The following PRKN variants were observed in gnomAD, a reference collection of about 807,000 sequenced individuals.
PRKN encodes parkin RBR E3 ubiquitin protein ligase.
Under a neutral mutation model 59.5 loss-of-function variants are expected in PRKN, and 56 were observed. The ratio of observed to expected loss-of-function variants is 0.94; its 90% CI spans 0.76 to 1.18. PRKN has a LOEUF of 1.18. PRKN is among the 50% of genes most tolerant of loss of function. PRKN has a pLI of 0.00. For synonymous variants in PRKN, 250 were observed against 222.1 expected, an observed-to-expected ratio of 1.13 and a Z score of -1.12; for missense variants, 657 against 596.4, an observed-to-expected ratio of 1.10 and a Z score of -1.06.
In PRKN at chr6:161,379,791, A is replaced by T. The variant is rs62435884; in HGVS notation, c.1167+7003T>A. On this transcript the variant is annotated intron_variant, in intron 10 of 11. Coordinates refer to ENST00000366898, the MANE Select transcript of PRKN (RefSeq NM_004562.3). This position sits in a 1 kb window ranked among gnomAD's most constrained non-coding sequence, Gnocchi z 4.9. ...GCACGGCAGTTCAGCCTTCCTTCAA[A>T]CTGCTTCATGCGATTCCCCACAGCA... Among the ~76,000 whole-genome samples, 37,299 of 151,948 alleles carry T rather than the reference A, an allele frequency of 0.25. 4,709 individuals are homozygous for T. The highest frequency in any genetic ancestry group is 0.31 in the South Asian group (1,480 of 4,812).
rs60391138 is a variant in PRKN at position 162,560,853 on chromosome 6, C to CAAAAAAAAA, written c.8-117389_8-117381dup. On this transcript the variant is annotated intron_variant, in intron 1 of 11. Transcript: ENST00000366898. ...CAATTAAAGCCCAGAGAGAGAGAGG[C>CAAAAAAAAA]AAAAAAAAAAAAAACCCAGGTCATT... Among the ~76,000 whole-genome samples, 35 of 56,510 alleles carry CAAAAAAAAA rather than the reference C, an allele frequency of 6.2e-4. 7 individuals carry two copies. The highest frequency in any genetic ancestry group is 1.8e-3 in the African/African-American group (22 of 12,414). The allele number at this position is 56,510 out of a possible 152,430, so 37.1% of individuals were successfully genotyped here.
chr6:162,142,831 A>C (rs1781846292), intron 4 of PRKN, among the ~76,000 whole-genome samples: 1 of 152,200 alleles, frequency 6.6e-6, no homozygotes, highest in African/African-American at 2.4e-5. Context: ...TCTCTACTAC[A>C]AAGATGGGAA....
chr6:161,689,642 A>C (rs1487634370), intron 7 of PRKN, among the ~76,000 whole-genome samples: 10 of 152,200 alleles, frequency 6.6e-5, no homozygotes, highest in Admixed American at 5.9e-4. Context: ...TTTAGACATA[A>C]ACAGTTTTCA....
intron 7 of PRKN, among the ~76,000 whole-genome samples, chr6:161,744,804 A>G (rs972327474): frequency 1.3e-5 from 2 of 152,218 alleles, no homozygotes; most frequent in African/African-American, 2.4e-5. Flanking sequence ...GCTGGCTCAG[A>G]GATTAACAAA....
chr6:162,592,748 A>T (rs1244145815), intron 1 of PRKN, among the ~76,000 whole-genome samples: 5 of 152,120 alleles, frequency 3.3e-5, no homozygotes, highest in African/African-American at 1.2e-4. Context: ...GATGTCAACA[A>T]AAATTTTAAA....
intron 4 of PRKN, among the ~76,000 whole-genome samples, chr6:162,070,502 G>A (rs1778531153): frequency 6.6e-6 from 1 of 152,126 alleles, no homozygotes; most frequent in Non-Finnish European, 1.5e-5. Context: ...TGGCCGAGTG[G>A]ATGCTGAATA....
chr6:162,625,114 T>C (rs947825421), intron 1 of PRKN, among the ~76,000 whole-genome samples: 1 of 152,212 alleles, frequency 6.6e-6, no homozygotes, highest in Admixed American at 6.5e-5. Context: ...CTCTCTGTCA[T>C]AAGGCTGAAC....
chr6:161,671,174 C>T (rs548830477), intron 7 of PRKN, among the ~76,000 whole-genome samples: 1 of 152,228 alleles, frequency 6.6e-6, no homozygotes, highest in Admixed American at 6.5e-5. Context: ...GGGCTTGTGT[C>T]TTGCTCTCAG....
At chr6:162,297,760 A>T (rs998244485) in intron 2 of PRKN, among the ~76,000 whole-genome samples, 6 of 152,148 alleles carry the variant, frequency 3.9e-5, no homozygotes, top group Non-Finnish European at 5.9e-5. Flanking sequence ...TGAATCATCT[A>T]AAAATAAATG....
At chr6:161,736,740 G>T (rs955170152) in intron 7 of PRKN, among the ~76,000 whole-genome samples, 7 of 152,170 alleles carry the variant, frequency 4.6e-5, no homozygotes, top group African/African-American at 1.7e-4. Context: ...AACTTTCTGG[G>T]GGTACAAATT....
At position 162,100,854 on chromosome 6, in the gene PRKN, T is replaced by C. The variant is rs79678225; in HGVS notation, c.535-46680A>G. Among the ~76,000 whole-genome samples the C allele has an allele frequency of 9.8e-5, 15 of 152,350 alleles. No homozygotes were observed. The South Asian group carries it at 2.5e-3, about 25-fold the overall frequency. On this transcript the variant is annotated intron_variant, in intron 4 of 11. Coordinates refer to ENST00000366898, the MANE Select transcript of PRKN (RefSeq NM_004562.3). ...TTATGATGTGGAGTATTTTTTCATATACCTGTTGGCCATTTGTATGACTTC... is the reference window on the plus strand; with the variant it reads ...TTATGATGTGGAGTATTTTTTCATACACCTGTTGGCCATTTGTATGACTTC...
chr6:162,509,254 G>A (rs1011428661), intron 1 of PRKN, among the ~76,000 whole-genome samples: 53 of 152,154 alleles, frequency 3.5e-4, no homozygotes, highest in African/African-American at 1.1e-3. Context: ...CCATCACTGA[G>A]TTGTTCCTTT....
At chr6:161,572,030 T>C (rs1780908759) in intron 7 of PRKN, among the ~76,000 whole-genome samples, 1 of 152,138 alleles carries the variant, frequency 6.6e-6, no homozygotes, top group African/African-American at 2.4e-5. Context: ...CTTTCCTGGT[T>C]TTCCAGCTTG....
intron 1 of PRKN, among the ~76,000 whole-genome samples, chr6:162,501,328 T>A (rs1375493321): frequency 6.6e-6 from 1 of 150,638 alleles, no homozygotes; most frequent in East Asian, 2.0e-4. Context: ...TTAAACTTCA[T>A]TATGTTTCTA....
chr6:161,664,793 C>CTTTTT (rs60215581), intron 7 of PRKN, among the ~76,000 whole-genome samples: 1 of 145,346 alleles, frequency 6.9e-6, no homozygotes, highest in Non-Finnish European at 1.5e-5. Context: ...CTGACTTTTT[C>CTTTTT]TTTTTTTTTT....
Position 161,461,892 on chromosome 6 carries a change from C to T in PRKN, c.1084-75015G>A, listed in dbSNP as rs1008107055. 1.3e-5 allele frequency among the ~76,000 whole-genome samples: 2 copies of T among 152,056 alleles called. No individual in the cohort carries two copies. Among genetic ancestry groups the T allele is most frequent in the Admixed American group, 6.6e-5 (1 of 15,266 alleles). ...AGGCAGTCAGAACTGCAGAAATACACGAGAAGGTCTGAGGGAGGGCTTGGC... is the reference window on the plus strand; with the variant it reads ...AGGCAGTCAGAACTGCAGAAATACATGAGAAGGTCTGAGGGAGGGCTTGGC... On this transcript the variant is annotated intron_variant, in intron 9 of 11. Transcript: ENST00000366898. The surrounding 1 kb of genome is among the most constrained non-coding windows in gnomAD (Gnocchi z 5.1).
intron 7 of PRKN, among the ~76,000 whole-genome samples, chr6:161,586,108 TG>T (rs2128139346): frequency 6.6e-6 from 1 of 152,314 alleles, no homozygotes; most frequent in South Asian, 2.1e-4. Context: ...CCTCAGCTCC[TG>T]GGAGCAATCC....
intron 9 of PRKN, among the ~76,000 whole-genome samples, chr6:161,495,659 G>A (rs986752733): frequency 3.3e-5 from 5 of 152,234 alleles, no homozygotes; most frequent in Admixed American, 1.3e-4. Flanking sequence ...AGCCACAGAC[G>A]GGAGCTTCTG....
intron 7 of PRKN, among the ~76,000 whole-genome samples, chr6:161,775,417 A>AT (rs199994448): frequency 6.7e-6 from 1 of 149,298 alleles, no homozygotes; most frequent in Non-Finnish European, 1.5e-5. Context: ...TAATTTTTAA[A>AT]TTTTTTGTAG....
Sources: allele counts gnomAD v4.1 joint callset (sites outside exome capture counted in the v4.1 genomes callset), GRCh38; gene constraint gnomAD v4.1.1; non-coding constraint Gnocchi (gnomAD v3.1); transcripts MANE v1.5; gene names NCBI Gene and HGNC (gene_info 2026-07-23, HGNC 2026-07-21).